UGGT2: variants seen among roughly 807,000 people sequenced by gnomAD.
UGGT2 encodes UDP-glucose glycoprotein glucosyltransferase 2, also known as UDP-glucose:glycoprotein glucosyltransferase 2.
UGGT2 carries 180 observed loss-of-function variants against 192.1 expected under a neutral mutation model. That is an observed-to-expected ratio of 0.94 (90% CI 0.83 to 1.06). The LOEUF (loss-of-function observed/expected upper bound fraction) is 1.06. UGGT2 is among the 50% of genes least tolerant of loss of function. UGGT2 has a pLI of 0.00. For missense variants in UGGT2, 1,849 were observed against 1,795.7 expected, an observed-to-expected ratio of 1.03 and a Z score of -0.54; for synonymous variants, 580 against 591.0, an observed-to-expected ratio of 0.98 and a Z score of 0.27.
intron 13 of UGGT2, among the ~76,000 whole-genome samples, chr13:95,948,582 T>C (rs2049958153): frequency 6.6e-6 from 1 of 152,186 alleles, no homozygotes; most frequent in Non-Finnish European, 1.5e-5. Flanking sequence ...CCAATATTAA[T>C]GTTTAGATAT....
At chr13:95,809,902 A>T (rs577496953) in intron 38 of UGGT2, among the ~76,000 whole-genome samples, 13 of 152,330 alleles carry the variant, frequency 8.5e-5, no homozygotes, top group African/African-American at 3.1e-4. Flanking sequence ...GTCTACAGGT[A>T]AGCCTTTCTT....
At chr13:96,000,816 G>C (rs976516896) in intron 5 of UGGT2, among the ~76,000 whole-genome samples, 1 of 151,780 alleles carries the variant, frequency 6.6e-6, no homozygotes, top group African/African-American at 2.4e-5. Flanking sequence ...TAATTTTGTA[G>C]TTTTAGTAAG....
At chr13:95,975,016 G>A (rs1012058931) in intron 10 of UGGT2, among the ~76,000 whole-genome samples, 2 of 152,154 alleles carry the variant, frequency 1.3e-5, no homozygotes, top group African/African-American at 2.4e-5. Flanking sequence ...AGGAGGTGGA[G>A]GTTGCAGTGA....
chr13:95,863,539 C>A, intron 31 of UGGT2, 90 bp downstream of exon 31: 1 of 999,626 alleles, frequency 1.0e-6, no homozygotes, highest in South Asian at 1.4e-5. Context: ...GGACCTTTGC[C>A]TTACTTAAAT....
chr13:95,956,800 A>G (rs992815240), intron 12 of UGGT2, among the ~76,000 whole-genome samples: 2 of 152,238 alleles, frequency 1.3e-5, no homozygotes, highest in African/African-American at 4.8e-5. Flanking sequence ...CAGAAATACC[A>G]TATGATTCAG....
intron 5 of UGGT2, among the ~76,000 whole-genome samples, chr13:96,009,531 T>C (rs2052088172): frequency 6.6e-6 from 1 of 152,170 alleles, no homozygotes; most frequent in Non-Finnish European, 1.5e-5. Context: ...GAGCGAAGGC[T>C]GGACGCAGTG....
chr13:95,888,412 C>T (rs1420192799), intron 25 of UGGT2, among the ~76,000 whole-genome samples: 64 of 152,134 alleles, frequency 4.2e-4, no homozygotes, highest in Admixed American at 4.1e-3. Context: ...CTTTTCATTT[C>T]CCTGGATAGT....
At chr13:95,932,580 T>C (rs1019382824) in intron 17 of UGGT2, among the ~76,000 whole-genome samples, 15 of 152,122 alleles carry the variant, frequency 9.9e-5, no homozygotes, top group African/African-American at 3.6e-4. Flanking sequence ...TTGGATGCCT[T>C]TTATTTATTG....
intron 1 of UGGT2, among the ~76,000 whole-genome samples, chr13:96,042,181 A>G (rs2053183716): frequency 6.6e-6 from 1 of 152,172 alleles, no homozygotes; most frequent in Non-Finnish European, 1.5e-5. Flanking sequence ...AGACCCATAG[A>G]CAGTTCAGAT....
At chr13:95,821,527 G>A (rs1030438198) in intron 38 of UGGT2, among the ~76,000 whole-genome samples, 1 of 152,104 alleles carries the variant, frequency 6.6e-6, no homozygotes, top group East Asian at 1.9e-4. Context: ...CATTCTGTGG[G>A]TTGTAGGTTT....
chr13:95,913,082 T>C (rs1459161670), intron 20 of UGGT2, among the ~76,000 whole-genome samples: 1 of 152,158 alleles, frequency 6.6e-6, no homozygotes, highest in Admixed American at 6.5e-5. Context: ...TATACAAAAA[T>C]TAATTCAAGA....
At chr13:95,903,460 T>G (rs1161040750) in intron 20 of UGGT2, among the ~76,000 whole-genome samples, 1 of 152,190 alleles carries the variant, frequency 6.6e-6, no homozygotes, top group Non-Finnish European at 1.5e-5. Flanking sequence ...CTCCCACTTT[T>G]CTAAAGACAA....
intron 20 of UGGT2, among the ~76,000 whole-genome samples, chr13:95,924,569 C>T (rs997958832): frequency 1.3e-5 from 2 of 152,042 alleles, no homozygotes; most frequent in Non-Finnish European, 2.9e-5. Flanking sequence ...CGATCCCCAT[C>T]TCTGGTATTC....
intron 1 of UGGT2, among the ~76,000 whole-genome samples, chr13:96,039,003 G>T (rs2053087596): frequency 1.3e-5 from 2 of 152,138 alleles, no homozygotes; most frequent in African/African-American, 4.8e-5. Context: ...TGGAGAGACA[G>T]GCATAGGATG....
intron 11 of UGGT2, among the ~76,000 whole-genome samples, chr13:95,971,482 G>A (rs559017504): frequency 6.6e-6 from 1 of 152,170 alleles, no homozygotes; most frequent in Admixed American, 6.5e-5. Context: ...CCAGGTGTAG[G>A]AGCTGGGGGG....
intron 22 of UGGT2, 61 bp downstream of exon 22, chr13:95,900,746 A>G: frequency 6.7e-7 from 1 of 1,494,816 alleles, no homozygotes; most frequent in South Asian, 1.4e-5. Flanking sequence ...TGACAGAAAA[A>G]AGGCAGACCA....
chr13:95,889,238 G>A (rs2047732206), intron 25 of UGGT2, among the ~76,000 whole-genome samples: 1 of 152,066 alleles, frequency 6.6e-6, no homozygotes, highest in Admixed American at 6.6e-5. Context: ...AGAATAATCT[G>A]AATAGTGTAT....
rs750008183 is a variant in UGGT2, at chr13:95,937,042, T to A, written c.1859A>T (p.Gln620Leu). 4.4e-6 allele frequency: 7 copies of A among 1,604,208 alleles called. No individual in the cohort carries two copies. The South Asian group carries it at 7.9e-5, about 18-fold the overall frequency. The change falls in exon 17 of 39, where the codon CAA becomes CTA. Residue 620 changes from glutamine (Q) to leucine (L), a missense_variant. Physicochemically the swap from Gln to Leu is moderately radical, Grantham distance 113 (BLOSUM62 -2). Transcript: ENST00000376747. Reference sequence around the variant, plus strand: ...AAAGGGTTCACCATTATAAAGAGCTTGAGGCAAAGGACCCAGGCCAGTCAT... The same window carrying A: ...AAAGGGTTCACCATTATAAAGAGCTAGAGGCAAAGGACCCAGGCCAGTCAT... ...YKMTGLGPLP[Q>L]ALYNGEPFKH...
intron 1 of UGGT2, among the ~76,000 whole-genome samples, chr13:96,051,727 T>A (rs994327625): frequency 1.3e-5 from 2 of 150,434 alleles, no homozygotes; most frequent in Non-Finnish European, 3.0e-5. Context: ...CATGAAAAAA[T>A]GCTCAACATA....
Sources: gnomAD v4.1 joint callset for allele counts (sites outside exome capture counted in the v4.1 genomes callset) on GRCh38, gnomAD v4.1.1 for gene constraint, MANE v1.5 for transcripts, NCBI Gene and HGNC (gene_info 2026-07-23, HGNC 2026-07-21) for gene names.